The following DPP6 variants were observed in gnomAD, a reference collection of about 807,000 sequenced individuals.
DPP6 encodes the protein A-type potassium channel modulatory protein DPP6.
A neutral mutation model predicts 122.6 loss-of-function variants in DPP6; 69 were observed. That is an observed-to-expected ratio of 0.56 (90% CI 0.46 to 0.69). The LOEUF (loss-of-function observed/expected upper bound fraction) is 0.69, where lower values mean the gene tolerates loss of function less well. Ranked by LOEUF, DPP6 falls within the 30% of genes least tolerant of loss-of-function variation. The probability of loss-of-function intolerance (pLI) is 0.00; values close to 1 mark genes in which losing one functional copy is unlikely to be tolerated. For synonymous variants in DPP6, 418 were observed against 433.1 expected (o/e 0.97, Z 0.43); for missense variants, 928 against 1,116.9 (o/e 0.83, Z 2.41).
chr7:153,985,478 C>T (rs912273936), intron 1 of DPP6, among the ~76,000 whole-genome samples: 2 of 152,168 alleles, frequency 1.3e-5, no homozygotes, highest in Non-Finnish European at 2.9e-5. Context: ...CCAAGGCATC[C>T]CCAGCTGATC....
intron 3 of DPP6, among the ~76,000 whole-genome samples, chr7:154,533,532 C>T (rs1416128196): frequency 6.6e-6 from 1 of 152,064 alleles, no homozygotes; most frequent in Non-Finnish European, 1.5e-5. Flanking sequence ...AAAAACCCAA[C>T]ATAAATTTTT....
chr7:154,722,049 C>A (rs1841842892), intron 7 of DPP6, among the ~76,000 whole-genome samples: 1 of 151,648 alleles, frequency 6.6e-6, no homozygotes, highest in Non-Finnish European at 1.5e-5. Context: ...TAGATAGATG[C>A]CTGGCCGTGG....
intron 17 of DPP6, among the ~76,000 whole-genome samples, chr7:154,856,085 G>A (rs1419834200): frequency 2.6e-5 from 4 of 152,052 alleles, no homozygotes; most frequent in African/African-American, 9.7e-5. Context: ...CAACTTCCTA[G>A]GAATCTATAA....
chr7:153,800,252 T>G, the DPP6 span, among the ~76,000 whole-genome samples: 68,472 of 151,968 alleles, frequency 0.45, 15,714 homozygotes, highest in Middle Eastern at 0.56. Context: ...TAAAATAGAA[T>G]AAAATCCTGT....
At chr7:154,810,755 A>G (rs1799008674) in intron 16 of DPP6, among the ~76,000 whole-genome samples, 2 of 151,824 alleles carry the variant, frequency 1.3e-5, no homozygotes, top group South Asian at 4.2e-4. Context: ...CACACGACTG[A>G]CCCAGTCCCC....
chr7:154,221,447 T>C (rs556906445), intron 1 of DPP6, among the ~76,000 whole-genome samples: 64 of 152,218 alleles, frequency 4.2e-4, no homozygotes, highest in African/African-American at 1.5e-3. Context: ...AGCCTACCAC[T>C]GTGCTCGACC....
intron 6 of DPP6, among the ~76,000 whole-genome samples, chr7:154,664,258 C>G (rs988211062): frequency 6.6e-6 from 1 of 152,212 alleles, no homozygotes; most frequent in African/African-American, 2.4e-5. Flanking sequence ...TGGTGAATCA[C>G]CATGGCGTAT....
intron 1 of DPP6, among the ~76,000 whole-genome samples, chr7:153,984,099 C>CGT (rs1796725812): frequency 6.8e-6 from 1 of 146,076 alleles, no homozygotes; most frequent in Non-Finnish European, 1.5e-5. Flanking sequence ...CACACACACA[C>CGT]ACACGTGTCA....
At chr7:154,405,490 G>C (rs55829450) in intron 1 of DPP6, among the ~76,000 whole-genome samples, 24 of 151,884 alleles carry the variant, frequency 1.6e-4, no homozygotes, top group African/African-American at 5.6e-4. Context: ...CTTGTTTGTC[G>C]TCTCTTAAAA....
intron 1 of DPP6, among the ~76,000 whole-genome samples, chr7:154,251,377 C>G (rs1396387330): frequency 4.6e-5 from 7 of 152,164 alleles, no homozygotes; most frequent in Non-Finnish European, 1.0e-4. Flanking sequence ...AAGGAACTGA[C>G]CACCTAAAAG....
intron 1 of DPP6, among the ~76,000 whole-genome samples, chr7:154,081,489 T>C (rs1291988779): frequency 4.4e-5 from 6 of 137,774 alleles, no homozygotes; most frequent in Non-Finnish European, 7.9e-5. Flanking sequence ...TGAGGACATG[T>C]AGTCACCCTT....
chr7:154,007,399 G>T (rs570072343), intron 1 of DPP6, among the ~76,000 whole-genome samples: 1 of 152,004 alleles, frequency 6.6e-6, no homozygotes, highest in Non-Finnish European at 1.5e-5. Context: ...CACACACTGG[G>T]GTCTCACCCC....
chr7:153,852,520 A>G, the DPP6 span, among the ~76,000 whole-genome samples: 1 of 152,074 alleles, frequency 6.6e-6, no homozygotes, highest in African/African-American at 2.4e-5. Context: ...GTGTTAAACC[A>G]TTCATGAGAA....
At chr7:154,597,000 A>G (rs1833131897) in intron 5 of DPP6, among the ~76,000 whole-genome samples, 1 of 152,214 alleles carries the variant, frequency 6.6e-6, no homozygotes, top group Non-Finnish European at 1.5e-5. Flanking sequence ...TCTCAGTATC[A>G]TTAAATTCTA....
At chr7:154,583,705 A>G (rs948302925) in intron 5 of DPP6, among the ~76,000 whole-genome samples, 1 of 152,138 alleles carries the variant, frequency 6.6e-6, no homozygotes, top group Admixed American at 6.5e-5. Flanking sequence ...TCGTGCGCAC[A>G]CTGCTGAGAC....
At chr7:154,040,808 C>T (rs920746956) in intron 1 of DPP6, among the ~76,000 whole-genome samples, 8 of 151,802 alleles carry the variant, frequency 5.3e-5, no homozygotes, top group Non-Finnish European at 1.0e-4. Flanking sequence ...TCTGAATGCA[C>T]ACTTAGCCTG....
the DPP6 span, among the ~76,000 whole-genome samples, chr7:153,766,331 C>A: frequency 6.6e-6 from 1 of 152,174 alleles, no homozygotes; most frequent in Non-Finnish European, 1.5e-5. Flanking sequence ...CATCTCCAAA[C>A]TTTAGCCACT....
intron 1 of DPP6, among the ~76,000 whole-genome samples, chr7:154,215,590 G>A (rs1435369670): frequency 6.6e-6 from 1 of 152,126 alleles, no homozygotes; most frequent in Non-Finnish European, 1.5e-5. Context: ...CCAGTAGATT[G>A]ATAATGGCAG....
chr7:154,531,725 G>A (rs1429941370), intron 3 of DPP6, among the ~76,000 whole-genome samples: 2 of 151,914 alleles, frequency 1.3e-5, no homozygotes, highest in South Asian at 2.1e-4. Context: ...TCTGTAATAC[G>A]TAAATTATGT....
Sources: allele counts gnomAD v4.1 joint callset (sites outside exome capture counted in the v4.1 genomes callset), GRCh38; gene constraint gnomAD v4.1.1; transcripts MANE v1.5; gene names NCBI Gene and HGNC (gene_info 2026-07-23, HGNC 2026-07-21).